Variants in SNTG1 observed in about 807,000 individuals in gnomAD.
The protein encoded by SNTG1 is gamma-1-syntrophin.
SNTG1 carries 39 observed loss-of-function variants against 74.7 expected under a neutral mutation model. That is an observed-to-expected ratio of 0.52 (90% CI 0.40 to 0.68). The LOEUF is 0.68. Among genes scored for constraint, SNTG1 ranks in the 30% least tolerant of loss-of-function variants. The pLI is 0.00. For synonymous variants in SNTG1, 254 were observed against 217.1 expected (o/e 1.17, Z -1.49); for missense variants, 685 against 609.5 (o/e 1.12, Z -1.30).
intron 13 of SNTG1, among the ~76,000 whole-genome samples, chr8:50,622,248 T>G (rs1383900667): frequency 6.6e-6 from 1 of 152,184 alleles, no homozygotes; most frequent in African/African-American, 2.4e-5. Flanking sequence ...GTAGTTAAAA[T>G]AGTGCTTGGA....
chr8:50,315,436 A>T (rs1365466174), intron 2 of SNTG1, among the ~76,000 whole-genome samples: 1 of 150,108 alleles, frequency 6.7e-6, no homozygotes, highest in Non-Finnish European at 1.5e-5. Flanking sequence ...ATAGTAAAAG[A>T]AATAAAAAAT....
chr8:50,077,582 TTG>T (rs1822008043), intron 1 of SNTG1, among the ~76,000 whole-genome samples: 1 of 152,202 alleles, frequency 6.6e-6, no homozygotes, highest in Non-Finnish European at 1.5e-5. Context: ...AAGCTATAAT[TTG>T]TGTAAGATAA....
At chr8:50,593,504 G>A (rs1026338015) in intron 13 of SNTG1, among the ~76,000 whole-genome samples, 2 of 151,382 alleles carry the variant, frequency 1.3e-5, no homozygotes, top group Non-Finnish European at 2.9e-5. Flanking sequence ...AAAATTTGTA[G>A]TTGTAAAAAA....
chr8:50,427,455 G>T (rs901926601), intron 4 of SNTG1, among the ~76,000 whole-genome samples: 2 of 151,664 alleles, frequency 1.3e-5, no homozygotes, highest in African/African-American at 4.8e-5. Context: ...TTTGAGTCGG[G>T]GTCTCCCTCT....
intron 13 of SNTG1, among the ~76,000 whole-genome samples, chr8:50,628,334 A>C (rs1452297400): frequency 1.3e-5 from 2 of 152,134 alleles, no homozygotes; most frequent in Non-Finnish European, 2.9e-5. Flanking sequence ...ACTATTCTTG[A>C]AACAAGATGT....
intron 13 of SNTG1, among the ~76,000 whole-genome samples, chr8:50,624,974 T>C (rs2094947471): frequency 6.6e-6 from 1 of 152,176 alleles, no homozygotes; most frequent in Admixed American, 6.5e-5. Flanking sequence ...ATTTTCCTGT[T>C]TTCCTTGGCA....
At chr8:50,258,940 A>T (rs781628340) in intron 2 of SNTG1, among the ~76,000 whole-genome samples, 22 of 152,158 alleles carry the variant, frequency 1.4e-4, no homozygotes, top group Non-Finnish European at 2.8e-4. Context: ...TAATTTACAC[A>T]CCAAAAAGTT....
chr8:50,066,008 A>C (rs1478696003), intron 1 of SNTG1, among the ~76,000 whole-genome samples: 1 of 152,170 alleles, frequency 6.6e-6, no homozygotes, highest in Non-Finnish European at 1.5e-5. Flanking sequence ...CAAGGTCAGG[A>C]GTTCGAGACC....
intron 1 of SNTG1, among the ~76,000 whole-genome samples, chr8:49,990,247 A>C (rs1247680337): frequency 3.9e-5 from 6 of 152,058 alleles, no homozygotes; most frequent in African/African-American, 1.4e-4. Context: ...TCTATATACT[A>C]TAATGAACAA....
chr8:50,131,552 A>C (rs2131404561), intron 1 of SNTG1, among the ~76,000 whole-genome samples: 1 of 152,218 alleles, frequency 6.6e-6, no homozygotes, highest in Non-Finnish European at 1.5e-5. Context: ...GTGTACACAC[A>C]CACACAGACA....
chr8:50,335,366 C>T lies in SNTG1; in HGVS notation c.-27-58846C>T, dbSNP rs113514350. ...TGCTTATCGGAAAACTGAAATCACA[C>T]GTCAGCAGAGCACTGTTTCCTGTTC... On this transcript the variant is annotated intron_variant, in intron 2 of 18. Transcript: ENST00000642720. Among the ~76,000 whole-genome samples the T allele has an allele frequency of 6.0e-3, 911 of 152,292 alleles. 7 individuals are homozygous for T. The highest frequency in any genetic ancestry group is 0.021 in the African/African-American group (852 of 41,552).
intron 18 of SNTG1, among the ~76,000 whole-genome samples, chr8:50,755,404 A>G (rs1388920155): frequency 6.6e-6 from 1 of 151,826 alleles, no homozygotes; most frequent in African/African-American, 2.4e-5. Context: ...TATGACTTTA[A>G]GTTTCTTCCA....
intron 8 of SNTG1, among the ~76,000 whole-genome samples, chr8:50,467,949 C>G (rs1000554543): frequency 2.0e-5 from 3 of 151,586 alleles, no homozygotes; most frequent in Non-Finnish European, 4.4e-5. Context: ...TTTGAGGTCT[C>G]TTTATTTTAC....
At position 50,583,714 on chromosome 8, in the gene SNTG1, C is replaced by CT. The variant is rs113770321; in HGVS notation, c.811-7151dup. ...TGTAAGTAAATAGCAAAATGCTGAG[C>CT]TTTTTTTTTTTTTTCTGCTAGAGGT... On this transcript the variant is annotated intron_variant, in intron 12 of 18. Coordinates refer to ENST00000642720, the MANE Select transcript of SNTG1 (RefSeq NM_018967.5). Among the ~76,000 whole-genome samples the CT allele has an allele frequency of 8.2e-3, 1,179 of 143,618 alleles. 17 individuals carry two copies. The highest frequency in any genetic ancestry group is 0.027 in the African/African-American group (1,034 of 37,708). 94.2% of individuals were successfully genotyped at this position (143,618 alleles called of 152,430 possible). A position where few individuals can be genotyped will look rare whatever the true frequency, so the allele number is the denominator to read the frequency against.
At position 50,536,782 on chromosome 8, in the gene SNTG1, G is replaced by A. The variant is rs748159361; in HGVS notation, c.654G>A (p.Gln218=). The change falls in exon 11 of 19, where the codon CAG becomes CAA. Residue 218 remains glutamine (Q), a synonymous_variant. Coordinates refer to ENST00000642720, the MANE Select transcript of SNTG1 (RefSeq NM_018967.5). Reference sequence around the variant, plus strand: ...CTCTACTTCATTCGCGCTTCTCTCAGTATGTGCCCGGCACAGATTTGAGTC... The same window carrying A: ...CTCTACTTCATTCGCGCTTCTCTCAATATGTGCCCGGCACAGATTTGAGTC... The part of the protein sequence containing the change: ...LIPLLHSRFS[Q]YVPGTDLSRQ... 1 of 1,613,986 alleles carries A rather than the reference G, an allele frequency of 6.2e-7. No individual in the cohort carries two copies. Among genetic ancestry groups the A allele is most frequent in the South Asian group, 1.1e-5 (1 of 91,084 alleles).
chr8:50,344,315 A>T (rs1212506781), intron 2 of SNTG1, among the ~76,000 whole-genome samples: 2 of 152,228 alleles, frequency 1.3e-5, no homozygotes, highest in Non-Finnish European at 2.9e-5. Context: ...AGATTTATTT[A>T]GCTCAGAGAT....
intron 2 of SNTG1, among the ~76,000 whole-genome samples, chr8:50,375,345 G>T (rs1458952561): frequency 6.6e-6 from 1 of 151,970 alleles, no homozygotes; most frequent in Non-Finnish European, 1.5e-5. Context: ...GAGGACCTGG[G>T]GGACAAGCTC....
chr8:50,698,501 G>A (rs73569499), intron 15 of SNTG1, among the ~76,000 whole-genome samples: 4,058 of 152,194 alleles, frequency 0.027, 183 homozygotes, highest in African/African-American at 0.093. Context: ...GTGAAAGATG[G>A]GGTGAGCCTG....
chr8:50,739,367 C>T (rs1480973892), intron 17 of SNTG1, among the ~76,000 whole-genome samples: 1 of 151,994 alleles, frequency 6.6e-6, no homozygotes, highest in East Asian at 1.9e-4. Flanking sequence ...AATGAGACAC[C>T]ATCTCACACC....
Sources: gnomAD v4.1 joint callset for allele counts (sites outside exome capture counted in the v4.1 genomes callset) on GRCh38, gnomAD v4.1.1 for gene constraint, MANE v1.5 for transcripts, NCBI Gene and HGNC (gene_info 2026-07-23, HGNC 2026-07-21) for gene names.